ANK2: variants seen among roughly 807,000 people sequenced by gnomAD.
ANK2 encodes ankyrin 2, also known as ankyrin-2.
ANK2 carries 83 observed loss-of-function variants against 360.5 expected under a neutral mutation model. The observed-to-expected ratio is 0.23, with a 90% CI of 0.19 to 0.28. ANK2 has a LOEUF of 0.28. Ranked by LOEUF, ANK2 falls within the 10% of genes least tolerant of loss-of-function variation. The pLI is 1.00. For synonymous variants in ANK2, 1,740 were observed against 1,759.5 expected (o/e 0.99, Z 0.28); for missense variants, 4,201 against 4,795.7 (o/e 0.88, Z 3.66).
chr4:113,210,560 T>G (rs570927577), intron 4 of ANK2, among the ~76,000 whole-genome samples: 1 of 152,340 alleles, frequency 6.6e-6, no homozygotes, highest in African/African-American at 2.4e-5. Flanking sequence ...AAACTAGATT[T>G]AAGTACTGCT....
At chr4:113,370,546 T>C (rs1161049125) in intron 43 of ANK2, among the ~76,000 whole-genome samples, 2 of 151,894 alleles carry the variant, frequency 1.3e-5, no homozygotes, top group Non-Finnish European at 2.9e-5. Flanking sequence ...GATCATGAGG[T>C]CAGGAGATCG....
At chr4:113,335,095 A>G (rs34770281) in intron 29 of ANK2, among the ~76,000 whole-genome samples, 11,941 of 152,172 alleles carry the variant, frequency 0.078, 678 homozygotes, top group African/African-American at 0.16. Flanking sequence ...AGTGATCTAT[A>G]TAGTGCACAT....
chr4:112,843,911 A>G (rs2062723370), intron 1 of ANK2, among the ~76,000 whole-genome samples: 1 of 152,110 alleles, frequency 6.6e-6, no homozygotes, highest in Admixed American at 6.5e-5. Context: ...GTTTTTTTGG[A>G]CTTTAAAGCA....
At chr4:113,097,696 A>G (rs78642613) in intron 1 of ANK2, among the ~76,000 whole-genome samples, 101 of 152,026 alleles carry the variant, frequency 6.6e-4, no homozygotes, top group African/African-American at 2.3e-3. Context: ...ATAGGCCCAG[A>G]TGTAGGGAAA....
intron 2 of ANK2, among the ~76,000 whole-genome samples, chr4:113,177,026 A>G (rs1361624266): frequency 6.6e-6 from 1 of 152,128 alleles, no homozygotes; most frequent in South Asian, 2.1e-4. Context: ...AATCCAGTCT[A>G]TCATTGATGG....
chr4:112,797,638 A>G, the ANK2 span: 1 of 164,342 alleles, frequency 6.1e-6, no homozygotes, highest in African/African-American at 2.4e-5. Flanking sequence ...TAATATCATC[A>G]ATATCACAGC....
chr4:113,372,688 A>G, intron 43 of ANK2: 2 of 1,170,632 alleles, frequency 1.7e-6, no homozygotes, highest in Non-Finnish European at 2.4e-6. Flanking sequence ...AAGAGTGATC[A>G]ACCTGGATCA....
At chr4:113,175,977 G>A (rs1008163452) in intron 2 of ANK2, among the ~76,000 whole-genome samples, 2 of 152,154 alleles carry the variant, frequency 1.3e-5, no homozygotes, top group African/African-American at 4.8e-5. Context: ...AAAGACTTTG[G>A]GATTGCTTTT....
At chr4:112,848,756 C>A (rs552452979) in intron 1 of ANK2, among the ~76,000 whole-genome samples, 1 of 152,094 alleles carries the variant, frequency 6.6e-6, no homozygotes, top group Admixed American at 6.5e-5. Context: ...TAGTGCCTAG[C>A]AAAAATAGAC....
At chr4:113,104,979 G>A (rs769603967) in intron 1 of ANK2, among the ~76,000 whole-genome samples, 13 of 152,074 alleles carry the variant, frequency 8.5e-5, no homozygotes, top group Non-Finnish European at 1.3e-4. Context: ...CTTGATGGTT[G>A]TGGTAACCCT....
chr4:113,199,146 T>G, intron 4 of ANK2, 37 bp downstream of exon 4: 1 of 1,487,490 alleles, frequency 6.7e-7, no homozygotes. Flanking sequence ...TACATACATT[T>G]AAATTAGAAC....
Position 113,282,731 on chromosome 4 carries a change from C to A in ANK2, c.1938C>A (p.Ser646=), listed in dbSNP as rs1410474681. The A allele has an allele frequency of 1.9e-6, 3 of 1,613,736 alleles. No individual in the cohort carries two copies. Among genetic ancestry groups the A allele is most frequent in the Non-Finnish European group, 1.7e-6 (2 of 1,179,902 alleles). Residue 646 remains serine (S), a synonymous_variant, in exon 18 of 46, where the codon TCC becomes TCA. Coordinates refer to ENST00000357077, the MANE Select transcript of ANK2 (RefSeq NM_001148.6). ...AGAAGAATCAAATGCAGATAGCTTC[C>A]ACACTCCTGAACTATGGAGCAGAGA... is the stretch of plus-strand genomic sequence containing the variant. ...AAKKNQMQIA[S]TLLNYGAETN... is the part of the protein sequence containing the mutation.
rs551359123 is a variant in ANK2, at chr4:113,278,347, T to A, written c.1783-113T>A. The A allele has an allele frequency of 1.7e-5, 15 of 858,392 alleles. No homozygotes were observed. The South Asian group carries it at 2.0e-4, about 11-fold the overall frequency. 53.2% of individuals were successfully genotyped at this position (858,392 alleles called of 1,614,324 possible). ...TATTTTCGTTCTTTTTTCTATTGAC[T>A]ATATTAATTCATTAACATGAATTTA... On this transcript the variant is annotated intron_variant, in intron 16 of 45. Coordinates refer to ENST00000357077, the MANE Select transcript of ANK2 (RefSeq NM_001148.6).
At chr4:112,920,732 A>G (rs183914574) in intron 2 of ANK2, among the ~76,000 whole-genome samples, 1 of 152,162 alleles carries the variant, frequency 6.6e-6, no homozygotes, top group Non-Finnish European at 1.5e-5. Context: ...ATGTATTTTC[A>G]TACTACCATC....
intron 1 of ANK2, among the ~76,000 whole-genome samples, chr4:112,833,100 C>G (rs939595046): frequency 3.9e-5 from 6 of 152,154 alleles, no homozygotes; most frequent in African/African-American, 1.4e-4. Flanking sequence ...TCAGTTTGAA[C>G]CACAAGAGAA....
intron 41 of ANK2, among the ~76,000 whole-genome samples, chr4:113,365,446 A>G (rs1477944120): frequency 1.3e-5 from 2 of 151,944 alleles, no homozygotes; most frequent in African/African-American, 2.4e-5. Context: ...CCTCAGTTCC[A>G]TGGTGGCACT....
intron 11 of ANK2, among the ~76,000 whole-genome samples, chr4:113,257,797 G>T (rs756705117): frequency 6.6e-6 from 1 of 152,304 alleles, no homozygotes; most frequent in East Asian, 1.9e-4. Flanking sequence ...GAAGGACCAT[G>T]TATTTTTCTT....
chr4:113,173,112 CTT>C (rs1047383091), intron 1 of ANK2, among the ~76,000 whole-genome samples: 1 of 152,154 alleles, frequency 6.6e-6, no homozygotes, highest in Admixed American at 6.5e-5. Flanking sequence ...CCTTTCAACT[CTT>C]AATAAATAAT....
At chr4:112,982,288 AT>A (rs1382233133) in intron 2 of ANK2, among the ~76,000 whole-genome samples, 1 of 152,206 alleles carries the variant, frequency 6.6e-6, no homozygotes, top group Non-Finnish European at 1.5e-5. Flanking sequence ...CCAGAATTAA[AT>A]TTTGAGACAT....
Sources: gnomAD v4.1 joint callset for allele counts (sites outside exome capture counted in the v4.1 genomes callset) on GRCh38, gnomAD v4.1.1 for gene constraint, MANE v1.5 for transcripts, NCBI Gene and HGNC (gene_info 2026-07-23, HGNC 2026-07-21) for gene names.